Variants in EIF4E3 observed in about 807,000 individuals in gnomAD.
EIF4E3 encodes eukaryotic translation initiation factor 4E family member 3, also known as eukaryotic translation initiation factor 4E type 3.
EIF4E3 carries 26 observed loss-of-function variants against 31.7 expected under a neutral mutation model. That is an observed-to-expected ratio of 0.82 (90% CI 0.60 to 1.14). EIF4E3 has a LOEUF of 1.14. EIF4E3 is among the 50% of genes most tolerant of loss of function. EIF4E3 has a pLI of 0.00. For missense variants in EIF4E3, 304 were observed against 270.9 expected, an observed-to-expected ratio of 1.12 and a Z score of -0.86; for synonymous variants, 128 against 107.7, an observed-to-expected ratio of 1.19 and a Z score of -1.17.
chr3:71,702,875 C>T (rs960718298), intron 2 of EIF4E3, among the ~76,000 whole-genome samples: 4 of 152,160 alleles, frequency 2.6e-5, no homozygotes, highest in African/African-American at 4.8e-5. Context: ...AAACCTCTTC[C>T]GCCCTTGCAG....
upstream of EIF4E3, among the ~76,000 whole-genome samples, chr3:71,727,596 G>A (rs1259541488): frequency 6.6e-6 from 1 of 152,126 alleles, no homozygotes; most frequent in African/African-American, 2.4e-5. Flanking sequence ...GAATAAGTTT[G>A]GAGAAGAATT....
upstream of EIF4E3, chr3:71,754,536 G>T (rs2049981076): frequency 1.5e-6 from 2 of 1,345,724 alleles, no homozygotes; most frequent in Non-Finnish European, 1.9e-6. This position sits in a 1 kb window ranked among gnomAD's most constrained non-coding sequence, Gnocchi z 5.8. Flanking sequence ...GCTGGACGGC[G>T]GTGGCGACGA....
At chr3:71,708,939 G>A (rs919055379) in intron 2 of EIF4E3, among the ~76,000 whole-genome samples, 5 of 152,226 alleles carry the variant, frequency 3.3e-5, no homozygotes, top group Admixed American at 3.3e-4. Context: ...TTTCCCCAAC[G>A]ACACCAGAAA....
the EIF4E3 span, among the ~76,000 whole-genome samples, chr3:71,667,507 T>A: frequency 6.6e-6 from 1 of 152,286 alleles, no homozygotes; most frequent in South Asian, 2.1e-4. Flanking sequence ...AAACCCCCCA[T>A]TGTCTCAGCC....
intron 1 of EIF4E3, among the ~76,000 whole-genome samples, chr3:71,753,102 A>G (rs928623790): frequency 2.0e-5 from 3 of 152,114 alleles, no homozygotes; most frequent in Non-Finnish European, 4.4e-5. Flanking sequence ...AGACCAAGCG[A>G]AATTTGAATC....
chr3:71,666,239 CAT>C, the EIF4E3 span, among the ~76,000 whole-genome samples: 1 of 148,002 alleles, frequency 6.8e-6, no homozygotes, highest in Non-Finnish European at 1.5e-5. Context: ...ATCAAATAGA[CAT>C]AAAAAAAATG....
chr3:71,718,557 G>A (rs149364505), intron 1 of EIF4E3, among the ~76,000 whole-genome samples: 1 of 152,160 alleles, frequency 6.6e-6, no homozygotes, highest in Non-Finnish European at 1.5e-5. Flanking sequence ...AAGAGTTTAC[G>A]ACAAAATTAA....
At position 71,676,190 on chromosome 3, in the gene EIF4E3, A is replaced by C. The variant is rs544925456; in HGVS notation, c.*8492T>G. On this transcript the variant is annotated 3_prime_UTR_variant, in exon 7 of 7. Coordinates refer to ENST00000425534, the MANE Select transcript of EIF4E3 (RefSeq NM_001134651.2). The stretch of plus-strand genomic sequence containing the variant: ...TTTGCACTCATCATTTAAAAGACTT[A>C]CAAATAAGTTTTCTGAACCAACGTT... 2.0e-5 allele frequency: 3 copies of C among 152,340 alleles called. No individual in the cohort carries two copies. Among genetic ancestry groups the C allele is most frequent in the African/African-American group, 7.2e-5 (3 of 41,578 alleles). 9.4% of individuals were successfully genotyped at this position (152,340 alleles called of 1,614,324 possible).
At chr3:71,709,531 C>G (rs529922792) in intron 2 of EIF4E3, among the ~76,000 whole-genome samples, 1 of 152,090 alleles carries the variant, frequency 6.6e-6, no homozygotes, top group Non-Finnish European at 1.5e-5. Flanking sequence ...AGATGTGTGC[C>G]ACCATGCCCA....
intron 2 of EIF4E3, among the ~76,000 whole-genome samples, chr3:71,708,711 C>T (rs969965564): frequency 2.7e-4 from 41 of 152,236 alleles, no homozygotes; most frequent in African/African-American, 8.7e-4. Flanking sequence ...AGAGCCTTTA[C>T]ATGAGGACAG....
intron 1 of EIF4E3, among the ~76,000 whole-genome samples, chr3:71,712,639 C>G (rs4677041): frequency 0.66 from 68,510 of 103,080 alleles, 21,091 homozygotes; most frequent in African/African-American, 0.76. Flanking sequence ...GGGGGGTGGG[C>G]GGGGGAGATT....
chr3:71,714,249 GGAAGGAAGGAAGGAAGGAAGGAAA>G (rs1379802970), intron 1 of EIF4E3, among the ~76,000 whole-genome samples: 1,242 of 113,642 alleles, frequency 0.011, 22 homozygotes, highest in African/African-American at 0.043. Context: ...AGGAAAGGAA[GGAAGGAAGGAAGGAAGGAAGGAAA>G]GAAGGAAGGA....
chr3:71,731,280 C>A (rs1413653649), intron 1 of EIF4E3, among the ~76,000 whole-genome samples: 1 of 152,202 alleles, frequency 6.6e-6, no homozygotes, highest in African/African-American at 2.4e-5. Context: ...TCCTTCCTGC[C>A]TTTCCAAATC....
the EIF4E3 span, among the ~76,000 whole-genome samples, chr3:71,664,671 C>A: frequency 2.0e-5 from 3 of 151,974 alleles, no homozygotes; most frequent in African/African-American, 7.3e-5. Flanking sequence ...GTCAGGAGTC[C>A]GAGACCAGTC....
chr3:71,684,856 T>A, intron 6 of EIF4E3, 128 bp from the exon 7 acceptor site: 1 of 829,228 alleles, frequency 1.2e-6, no homozygotes. Context: ...ACACCTTATT[T>A]ATTTATTTAT....
chr3:71,748,207 A>AT (rs11328541), intron 1 of EIF4E3, among the ~76,000 whole-genome samples: 7 of 151,506 alleles, frequency 4.6e-5, no homozygotes, highest in South Asian at 2.1e-4. Flanking sequence ...TTTATATGTG[A>AT]TTTTTTTTTT....
upstream of EIF4E3, among the ~76,000 whole-genome samples, chr3:71,729,794 T>C (rs1159293738): frequency 1.2e-5 from 1 of 81,300 alleles, no homozygotes; most frequent in Admixed American, 1.4e-4. Context: ...TACATTCCAA[T>C]AGAATGTGTG....
intron 2 of EIF4E3, among the ~76,000 whole-genome samples, chr3:71,708,410 G>A (rs1168313749): frequency 1.3e-5 from 2 of 152,090 alleles, no homozygotes; most frequent in African/African-American, 4.8e-5. Flanking sequence ...GCGTACCCTT[G>A]TCAAAAGTTA....
chr3:71,702,665 G>A lies in EIF4E3; in HGVS notation c.250-2957C>T, dbSNP rs148009431. ...TATTCATTAAAGCACATATTTGTAC[G>A]TTTTTGCTGAGCATAAAATAGGAGC... On this transcript the variant is annotated intron_variant, in intron 2 of 6. Transcript: ENST00000425534. Among the ~76,000 whole-genome samples the A allele has an allele frequency of 1.9e-3, 288 of 148,428 alleles. 1 individual carries two copies. Among genetic ancestry groups the A allele is most frequent in the African/African-American group, 6.8e-3 (272 of 40,016 alleles).
Sources: gnomAD v4.1 joint callset for allele counts (sites outside exome capture counted in the v4.1 genomes callset) on GRCh38, gnomAD v4.1.1 for gene constraint, Gnocchi (gnomAD v3.1) non-coding constraint, MANE v1.5 for transcripts, NCBI Gene and HGNC (gene_info 2026-07-23, HGNC 2026-07-21) for gene names.